Variants in CDS1 observed in about 807,000 individuals in gnomAD.
CDS1 encodes the protein CDP-diacylglycerol synthase 1, also known as phosphatidate cytidylyltransferase 1.
In CDS1, 41 loss-of-function variants were observed where a neutral mutation model predicts 62.1. The ratio of observed to expected loss-of-function variants is 0.66; its 90% CI spans 0.51 to 0.86. The LOEUF (loss-of-function observed/expected upper bound fraction) is 0.86, where lower values mean the gene tolerates loss of function less well. Among genes scored for constraint, CDS1 ranks in the 40% least tolerant of loss-of-function variants. The probability of loss-of-function intolerance (pLI) is 0.00; values close to 1 mark genes in which losing one functional copy is unlikely to be tolerated. For synonymous variants in CDS1, 185 were observed against 192.6 expected, an observed-to-expected ratio of 0.96 and a Z score of 0.32; for missense variants, 470 against 550.1, an observed-to-expected ratio of 0.85 and a Z score of 1.46.
At chr4:84,606,210 A>G (rs1723087661) in intron 2 of CDS1, among the ~76,000 whole-genome samples, 3 of 152,146 alleles carry the variant, frequency 2.0e-5, no homozygotes. Flanking sequence ...AGAAATGTAC[A>G]TTACTTGCAG....
intron 4 of CDS1, 43 bp downstream of exon 4, chr4:84,617,704 C>A: frequency 1.0e-6 from 1 of 1,001,892 alleles, no homozygotes; most frequent in South Asian, 1.5e-5. Flanking sequence ...AAGTTAATTT[C>A]TGAAGTTTGT....
At chr4:84,619,321 G>T in intron 4 of CDS1, 73 bp from the exon 5 acceptor site, 1 of 760,316 alleles carries the variant, frequency 1.3e-6, no homozygotes, top group Non-Finnish European at 2.0e-6. Flanking sequence ...TCAGAATGTA[G>T]AAAATAATTT....
At chr4:84,597,674 A>T (rs960597052) in intron 1 of CDS1, among the ~76,000 whole-genome samples, 3 of 152,106 alleles carry the variant, frequency 2.0e-5, no homozygotes, top group Non-Finnish European at 4.4e-5. Flanking sequence ...ATTCTCTATC[A>T]TTGTAGAGGC....
chr4:84,617,778 GATAA>G (rs1475842882), intron 4 of CDS1, 117 bp downstream of exon 4: 3 of 473,342 alleles, frequency 6.3e-6, no homozygotes, highest in Non-Finnish European at 1.1e-5. Flanking sequence ...TCTAGAGAAA[GATAA>G]ATAAAAATAA....
intron 10 of CDS1, 69 bp from the exon 11 acceptor site, chr4:84,642,955 T>G: frequency 6.9e-7 from 1 of 1,443,634 alleles, no homozygotes; most frequent in Non-Finnish European, 9.5e-7. Flanking sequence ...GGTTCTTAGA[T>G]CAGGTGGTAT....
intron 5 of CDS1, among the ~76,000 whole-genome samples, chr4:84,622,545 A>T (rs1560476209): frequency 6.6e-6 from 1 of 152,240 alleles, no homozygotes; most frequent in Non-Finnish European, 1.5e-5. Flanking sequence ...GTGAGCTGAA[A>T]TCATGCCGCT....
chr4:84,639,904 A>G (rs1375705216), intron 9 of CDS1, among the ~76,000 whole-genome samples: 1 of 152,008 alleles, frequency 6.6e-6, no homozygotes, highest in Non-Finnish European at 1.5e-5. Flanking sequence ...GGACAGATAG[A>G]AGAATGCAAA....
chr4:84,603,138 A>G (rs939394209), intron 1 of CDS1, among the ~76,000 whole-genome samples: 2 of 152,202 alleles, frequency 1.3e-5, no homozygotes, highest in African/African-American at 4.8e-5. Context: ...GGGATGAAGA[A>G]ACAGTTCGAA....
intron 5 of CDS1, among the ~76,000 whole-genome samples, chr4:84,623,895 C>A (rs542419529): frequency 6.6e-6 from 1 of 151,922 alleles, no homozygotes; most frequent in Non-Finnish European, 1.5e-5. Context: ...GACCTGTGGC[C>A]CCTCCATGTG....
chr4:84,633,634 A>AT (rs1724090570), intron 6 of CDS1, among the ~76,000 whole-genome samples: 2 of 152,202 alleles, frequency 1.3e-5, no homozygotes, highest in African/African-American at 2.4e-5. Flanking sequence ...TTCTATTTAT[A>AT]TATAAATTAA....
intron 2 of CDS1, among the ~76,000 whole-genome samples, chr4:84,605,201 T>C (rs1044791762): frequency 3.9e-5 from 6 of 152,226 alleles, no homozygotes; most frequent in South Asian, 2.1e-4. Context: ...AGAAATACAT[T>C]GTATACCACA....
chr4:84,619,683 A>G (rs1723614826), intron 5 of CDS1, 150 bp downstream of exon 5: 1 of 505,630 alleles, frequency 2.0e-6, no homozygotes, highest in Non-Finnish European at 3.3e-6. Context: ...TATTTCTTTC[A>G]TCATGTTCTT....
At chr4:84,641,566 A>C (rs1174530320) in intron 10 of CDS1, among the ~76,000 whole-genome samples, 1 of 152,224 alleles carries the variant, frequency 6.6e-6, no homozygotes, top group Non-Finnish European at 1.5e-5. Context: ...ACACAATTTA[A>C]AACTTAAAAT....
intron 5 of CDS1, among the ~76,000 whole-genome samples, chr4:84,624,577 A>G (rs1285618059): frequency 6.6e-6 from 1 of 152,114 alleles, no homozygotes; most frequent in Non-Finnish European, 1.5e-5. Flanking sequence ...ATCTACATCT[A>G]TCATTGTATC....
At chr4:84,588,443 C>T (rs756569993) in intron 1 of CDS1, among the ~76,000 whole-genome samples, 1 of 152,252 alleles carries the variant, frequency 6.6e-6, no homozygotes, top group South Asian at 2.1e-4. Flanking sequence ...TTTATCAACA[C>T]GGGAGAATTG....
intron 1 of CDS1, among the ~76,000 whole-genome samples, chr4:84,598,416 T>A (rs1350312809): frequency 6.6e-6 from 1 of 151,354 alleles, no homozygotes; most frequent in Admixed American, 6.6e-5. Context: ...TTTCTTTTTT[T>A]TTTTTAATTT....
At position 84,606,965 on chromosome 4, in the gene CDS1, A is replaced by G. The variant is rs116202947; in HGVS notation, c.246-2464A>G. On this transcript the variant is annotated intron_variant, in intron 2 of 12. Transcript: ENST00000295887. ...TCCATCCATTAATCCACAAACAGTT[A>G]TATCTGTACAACTACATGGGGCCTT... Among the ~76,000 whole-genome samples, 806 of 152,320 alleles carry G rather than the reference A, an allele frequency of 5.3e-3. 9 individuals carry two copies. Among genetic ancestry groups the G allele is most frequent in the African/African-American group, 0.018 (764 of 41,574 alleles).
chr4:84,597,021 G>A (rs1560465280), intron 1 of CDS1, among the ~76,000 whole-genome samples: 1 of 152,178 alleles, frequency 6.6e-6, no homozygotes, highest in Non-Finnish European at 1.5e-5. Context: ...TGATGAGGAG[G>A]TAGGTGGATG....
At chr4:84,609,821 C>CA (rs974203838) in intron 3 of CDS1, among the ~76,000 whole-genome samples, 10 of 151,698 alleles carry the variant, frequency 6.6e-5, no homozygotes, top group Non-Finnish European at 1.5e-4. Context: ...TGAGCCTGGG[C>CA]AAAAAAACAC....
Sources: gnomAD v4.1 joint callset for allele counts (sites outside exome capture counted in the v4.1 genomes callset) on GRCh38, gnomAD v4.1.1 for gene constraint, MANE v1.5 for transcripts, NCBI Gene and HGNC (gene_info 2026-07-23, HGNC 2026-07-21) for gene names.